NUP205: variants seen among roughly 807,000 people sequenced by gnomAD.
NUP205 encodes nuclear pore complex protein Nup205.
In NUP205, 76 loss-of-function variants were observed where a neutral mutation model predicts 253.8. The ratio of observed to expected loss-of-function variants is 0.30; its 90% CI spans 0.25 to 0.36. The LOEUF (loss-of-function observed/expected upper bound fraction) is 0.36, where lower values mean the gene tolerates loss of function less well. Ranked by LOEUF, NUP205 falls within the 10% of genes least tolerant of loss-of-function variation. The probability of loss-of-function intolerance (pLI) is 1.00; values close to 1 mark genes in which losing one functional copy is unlikely to be tolerated. For synonymous variants in NUP205, 832 were observed against 850.1 expected (o/e 0.98, Z 0.37); for missense variants, 2,162 against 2,425.5 (o/e 0.89, Z 2.28).
At chr7:135,580,986 G>A (rs901891632) in intron 7 of NUP205, among the ~76,000 whole-genome samples, 1 of 151,976 alleles carries the variant, frequency 6.6e-6, no homozygotes, top group African/African-American at 2.4e-5. Context: ...TAATCTCTTT[G>A]ATTTTATATG....
intron 22 of NUP205, 120 bp downstream of exon 22, chr7:135,607,491 T>G: frequency 9.3e-7 from 1 of 1,078,118 alleles, no homozygotes; most frequent in Non-Finnish European, 1.3e-6. Context: ...ATTTAGCAAT[T>G]TGACCTGTCT....
intron 13 of NUP205, among the ~76,000 whole-genome samples, chr7:135,596,896 G>T (rs958842379): frequency 6.6e-6 from 1 of 150,736 alleles, no homozygotes; most frequent in South Asian, 2.1e-4. Flanking sequence ...GACGGAGGTT[G>T]CAGTGAGCCA....
At chr7:135,645,828 T>A (rs956200651) in intron 41 of NUP205, 28 of 577,696 alleles carry the variant, frequency 4.8e-5, no homozygotes, top group Non-Finnish European at 7.6e-5. Flanking sequence ...CCTTAGCTTC[T>A]TGCTGCAGTT....
chr7:135,641,030 CA>C (rs202026292), intron 38 of NUP205, among the ~76,000 whole-genome samples: 6 of 146,084 alleles, frequency 4.1e-5, no homozygotes, highest in Middle Eastern at 3.5e-3. Context: ...ATGCCTCTAA[CA>C]AAAAAAAAAG....
At chr7:135,638,392 G>GC (rs1416023282) in intron 37 of NUP205, among the ~76,000 whole-genome samples, 165 bp from the exon 38 acceptor site, 15 of 141,712 alleles carry the variant, frequency 1.1e-4, no homozygotes, top group African/African-American at 3.9e-4. Flanking sequence ...TCCAGCCTGG[G>GC]CAACAGAGGG....
At chr7:135,609,370 C>T (rs142341071) in intron 22 of NUP205, among the ~76,000 whole-genome samples, 5,182 of 150,922 alleles carry the variant, frequency 0.034, 117 homozygotes, top group Middle Eastern at 0.1. Flanking sequence ...CCCAGCTACT[C>T]GGGAGGCTGA....
rs1364982134 is a variant in NUP205 at position 135,604,306 on chromosome 7, T to G, written c.2703-34T>G. 1.9e-6 allele frequency: 3 copies of G among 1,561,646 alleles called. No individual in the cohort carries two copies. The African/African-American group carries it at 4.1e-5, about 22-fold the overall frequency. On this transcript the variant is annotated intron_variant, in intron 18 of 42. Transcript: ENST00000285968. ...GAATAGTGAGACACCAAAAATTTTA[T>G]CACTGTTCCTCAAATGTTTTCTTTT...
intron 10 of NUP205, among the ~76,000 whole-genome samples, chr7:135,589,247 ATG>A (rs566617433): frequency 6.8e-6 from 1 of 147,530 alleles, no homozygotes. Context: ...CTTTTATGCA[ATG>A]TGTGTGTGTG....
At chr7:135,594,321 G>T (rs1345939083) in intron 12 of NUP205, among the ~76,000 whole-genome samples, 1 of 152,156 alleles carries the variant, frequency 6.6e-6, no homozygotes, top group East Asian at 1.9e-4. Context: ...AACTGCAAAA[G>T]TAATTCTACA....
intron 7 of NUP205, among the ~76,000 whole-genome samples, chr7:135,582,908 G>T (rs1159380310): frequency 6.6e-6 from 1 of 152,018 alleles, no homozygotes; most frequent in Non-Finnish European, 1.5e-5. Context: ...GGCCAACATG[G>T]TGAGACCCCA....
intron 20 of NUP205, among the ~76,000 whole-genome samples, 183 bp downstream of exon 20, chr7:135,606,409 A>C (rs1403014069): frequency 6.6e-6 from 1 of 152,192 alleles, no homozygotes; most frequent in Non-Finnish European, 1.5e-5. Context: ...ACCACCACCA[A>C]CATGACTCTC....
intron 33 of NUP205, 91 bp from the exon 34 acceptor site, chr7:135,627,882 G>A (rs1194095017): frequency 7.8e-7 from 1 of 1,285,694 alleles, no homozygotes; most frequent in Non-Finnish European, 1.1e-6. Flanking sequence ...TAATCAGCCG[G>A]CTCTGATTTA....
At chr7:135,587,036 T>G (rs1806482676) in intron 8 of NUP205, among the ~76,000 whole-genome samples, 1 of 152,028 alleles carries the variant, frequency 6.6e-6, no homozygotes, top group African/African-American at 2.4e-5. Context: ...CAACTGTAAT[T>G]GTGGATTTGT....
intron 30 of NUP205, among the ~76,000 whole-genome samples, chr7:135,620,736 A>C (rs973491138): frequency 6.6e-6 from 1 of 152,312 alleles, no homozygotes; most frequent in Middle Eastern, 3.4e-3. Context: ...TTTTAAAAAG[A>C]TTCAAATGAA....
chr7:135,625,574 C>T (rs1584683018), intron 32 of NUP205, among the ~76,000 whole-genome samples: 2 of 152,166 alleles, frequency 1.3e-5, no homozygotes, highest in South Asian at 4.1e-4. Flanking sequence ...CTGCTTCCCT[C>T]ACTCACTCAG....
intron 42 of NUP205, among the ~76,000 whole-genome samples, chr7:135,647,934 T>A (rs1024526462): frequency 3.9e-5 from 6 of 152,224 alleles, no homozygotes; most frequent in Non-Finnish European, 8.8e-5. Flanking sequence ...TAATATTTTT[T>A]GAAAACAAAA....
In NUP205 at chr7:135,598,015, A is replaced by G. The variant is rs893307924; in HGVS notation, c.2082A>G (p.Ile694Met). ...AIGIEVELNE[I>M]ESRCEEYPLT... ...TTTGGAAGGTTGAACTAAATGAAAT[A>G]GAATCCCGGTGTGAAGAATACCCAT... The change falls in exon 15 of 43, where the codon ATA becomes ATG. Residue 694 changes from isoleucine (I) to methionine (M), a missense_variant. By Grantham distance (10) the Ile-to-Met change is conservative. Transcript: ENST00000285968. The G allele has an allele frequency of 1.9e-6, 3 of 1,613,958 alleles. No individual in the cohort carries two copies. The highest frequency in any genetic ancestry group is 1.7e-5 in the Admixed American group (1 of 60,002).
At chr7:135,595,246 G>A (rs541434338) in intron 13 of NUP205, among the ~76,000 whole-genome samples, 3 of 151,562 alleles carry the variant, frequency 2.0e-5, no homozygotes, top group Non-Finnish European at 4.4e-5. Flanking sequence ...TTAAGATAGG[G>A]TCTCGCTGTG....
At chr7:135,566,124 T>C (rs940974995) in intron 1 of NUP205, among the ~76,000 whole-genome samples, 5 of 152,150 alleles carry the variant, frequency 3.3e-5, no homozygotes, top group African/African-American at 1.2e-4. Context: ...TTATTTGTTT[T>C]TTGAGACAGA....
Sources: allele counts gnomAD v4.1 joint callset (sites outside exome capture counted in the v4.1 genomes callset), GRCh38; gene constraint gnomAD v4.1.1; transcripts MANE v1.5; gene names NCBI Gene and HGNC (gene_info 2026-07-23, HGNC 2026-07-21).